Variants in REV3L observed in about 807,000 individuals in gnomAD.
REV3L encodes the protein DNA polymerase zeta catalytic subunit.
Under a neutral mutation model 299.4 loss-of-function variants are expected in REV3L, and 69 were observed. That is an observed-to-expected ratio of 0.23 (90% CI 0.19 to 0.28). The LOEUF (loss-of-function observed/expected upper bound fraction) is 0.28. REV3L is among the 10% of genes least tolerant of loss of function. REV3L has a pLI of 1.00. For missense variants in REV3L, 3,128 were observed against 3,693.8 expected, an observed-to-expected ratio of 0.85 and a Z score of 3.97; for synonymous variants, 1,238 against 1,271.4, an observed-to-expected ratio of 0.97 and a Z score of 0.56.
At chr6:111,358,515 T>C (rs188214343) in intron 17 of REV3L, among the ~76,000 whole-genome samples, 19 of 152,238 alleles carry the variant, frequency 1.2e-4, no homozygotes, top group Admixed American at 1.2e-3. Flanking sequence ...GCAGTGGCTA[T>C]TTACAGGCAC....
intron 13 of REV3L, among the ~76,000 whole-genome samples, chr6:111,369,272 ACT>A (rs1455179079): frequency 2.5e-5 from 3 of 121,596 alleles, no homozygotes; most frequent in Non-Finnish European, 5.2e-5. Flanking sequence ...ACAGAGCCAG[ACT>A]CTGTCTCAAA....
chr6:111,401,356 T>G (rs545305585), intron 4 of REV3L, among the ~76,000 whole-genome samples: 1 of 152,348 alleles, frequency 6.6e-6, no homozygotes, highest in South Asian at 2.1e-4. Context: ...TCAGTCATTA[T>G]GGAGAAAAAG....
intron 3 of REV3L, among the ~76,000 whole-genome samples, chr6:111,411,195 G>A (rs1784202502): frequency 6.6e-6 from 1 of 152,086 alleles, no homozygotes; most frequent in South Asian, 2.1e-4. Context: ...CTAAGGTCTG[G>A]CCAGAAGAGG....
At position 111,374,794 on chromosome 6, in the gene REV3L, A is replaced by G. The variant is rs747970534; in HGVS notation, c.3561T>C (p.Val1187=). 3 of 1,611,986 alleles carry G rather than the reference A, an allele frequency of 1.9e-6. No homozygotes were observed. ...SKAKLANPSI[V]TKKRNKRNQT... is the part of the protein sequence containing the mutation. ...GATTTCGTTTGTTCCTTTTCTTAGT[A>G]ACTATAGAGGGATTAGCAAGCTTTG... Residue 1187 remains valine (V), a synonymous_variant, in exon 13 of 32, where the codon GTT becomes GTC. Coordinates refer to ENST00000368802, the MANE Select transcript of REV3L (RefSeq NM_001372078.1).
chr6:111,393,107 G>A, intron 4 of REV3L, 135 bp from the exon 5 acceptor site: 11 of 558,574 alleles, frequency 2.0e-5, no homozygotes, highest in South Asian at 8.4e-5. Context: ...GCGCAATCTC[G>A]GCTCACTGCA....
At chr6:111,468,464 G>A (rs1791774750) in intron 1 of REV3L, among the ~76,000 whole-genome samples, 1 of 152,074 alleles carries the variant, frequency 6.6e-6, no homozygotes, top group African/African-American at 2.4e-5. Flanking sequence ...AGGAAAATGG[G>A]TAAAAGATAA....
chr6:111,436,850 T>C (rs555442134), intron 1 of REV3L, among the ~76,000 whole-genome samples: 2 of 152,358 alleles, frequency 1.3e-5, no homozygotes, highest in East Asian at 3.9e-4. Context: ...TGATTTGATC[T>C]TTACAAATTA....
chr6:111,399,724 TATCAC>T (rs1397213441), intron 4 of REV3L, among the ~76,000 whole-genome samples: 1 of 152,152 alleles, frequency 6.6e-6, no homozygotes, highest in Non-Finnish European at 1.5e-5. Context: ...GTACCTTTGT[TATCAC>T]ATCACATGAG....
chr6:111,326,274 A>G (rs1229522155), intron 25 of REV3L, among the ~76,000 whole-genome samples: 1 of 152,216 alleles, frequency 6.6e-6, no homozygotes, highest in Admixed American at 6.5e-5. Flanking sequence ...AAGGAACTCA[A>G]ACAACTCAGT....
intron 11 of REV3L, 142 bp downstream of exon 11, chr6:111,379,840 A>G: frequency 1.5e-6 from 1 of 653,774 alleles, no homozygotes; most frequent in Non-Finnish European, 2.7e-6. Flanking sequence ...CATATGAAAA[A>G]CAGATCACTA....
chr6:111,361,739 A>T (rs1304270576), intron 16 of REV3L: 1 of 152,166 alleles, frequency 6.6e-6, no homozygotes, highest in East Asian at 1.9e-4. Context: ...GAAGAAAGAG[A>T]GATTATCCTA....
rs144262481 is a variant in REV3L at position 111,345,558 on chromosome 6, C to T, written c.7420-1515G>A. ...TGTCCTCCATCCTACCTAAGCTACC[C>T]ACTCCCATAATCATACCCCAGGATC... On this transcript the variant is annotated intron_variant, in intron 20 of 31. Transcript: ENST00000368802. 3.4e-4 allele frequency among the ~76,000 whole-genome samples: 52 copies of T among 152,186 alleles called. No individual in the cohort carries two copies. In the East Asian group the frequency reaches 9.1e-3, roughly 27 times the overall value.
At chr6:111,433,420 G>A (rs1787182175) in intron 1 of REV3L, among the ~76,000 whole-genome samples, 1 of 151,994 alleles carries the variant, frequency 6.6e-6, no homozygotes, top group Admixed American at 6.5e-5. Flanking sequence ...ATATATGAGA[G>A]ACTGTTATGA....
chr6:111,441,857 G>A (rs1384644577), intron 1 of REV3L, among the ~76,000 whole-genome samples: 1 of 152,182 alleles, frequency 6.6e-6, no homozygotes, highest in African/African-American at 2.4e-5. Flanking sequence ...GCTGACATGA[G>A]GGGAGGGGAA....
chr6:111,472,932 T>C (rs1792424348), intron 1 of REV3L, among the ~76,000 whole-genome samples: 1 of 152,196 alleles, frequency 6.6e-6, no homozygotes, highest in African/African-American at 2.4e-5. Context: ...GACTGAGTTA[T>C]TTCTAATTGC....
Position 111,374,089 on chromosome 6 carries a change from G to C in REV3L, c.4266C>G (p.Cys1422Trp). 2 of 1,614,026 alleles carry C rather than the reference G, an allele frequency of 1.2e-6. No individual in the cohort carries two copies. The highest frequency in any genetic ancestry group is 1.7e-6 in the Non-Finnish European group (2 of 1,179,934). Residue 1422 changes from cysteine to tryptophan, a missense_variant, in exon 13 of 32, where the codon TGC becomes TGG. This residue lies in a region of REV3L where 2,409 missense variants were observed against 2,611.8 expected (regional missense o/e 0.92). Coordinates refer to ENST00000368802, the MANE Select transcript of REV3L (RefSeq NM_001372078.1). ...DQAYTPNFLH[C>W]KDSQQQIVCI... The stretch of plus-strand genomic sequence containing the variant: ...ACACAATCTGCTGCTGACTGTCTTT[G>C]CAATGCAAAAAATTAGGGGTATATG...
intron 22 of REV3L, among the ~76,000 whole-genome samples, chr6:111,334,753 G>A (rs1775744989): frequency 6.6e-6 from 1 of 152,080 alleles, no homozygotes; most frequent in Admixed American, 6.6e-5. Flanking sequence ...GCAATTAAAT[G>A]AAATAAACAG....
At chr6:111,407,895 C>T (rs1274436229) in intron 3 of REV3L, among the ~76,000 whole-genome samples, 2 of 152,124 alleles carry the variant, frequency 1.3e-5, no homozygotes, top group Non-Finnish European at 2.9e-5. Flanking sequence ...GAGATCGTGC[C>T]ATTGACCTCC....
intron 1 of REV3L, among the ~76,000 whole-genome samples, chr6:111,418,429 C>T (rs993504730): frequency 6.6e-6 from 1 of 152,138 alleles, no homozygotes; most frequent in African/African-American, 2.4e-5. Context: ...TTCACATCTC[C>T]TGTGAAGTAG....
Sources: gnomAD v4.1 joint callset for allele counts (sites outside exome capture counted in the v4.1 genomes callset) on GRCh38, gnomAD v4.1.1 for gene constraint, gnomAD v4.1.1 regional missense constraint, MANE v1.5 for transcripts, NCBI Gene and HGNC (gene_info 2026-07-23, HGNC 2026-07-21) for gene names.